PCSK5: variants seen among roughly 807,000 people sequenced by gnomAD.
PCSK5 encodes prohormone convertase 5.
PCSK5 carries 129 observed loss-of-function variants against 233.2 expected under a neutral mutation model. That is an observed-to-expected ratio of 0.55 (90% CI 0.48 to 0.64). The LOEUF (loss-of-function observed/expected upper bound fraction) is 0.64. PCSK5 is among the 30% of genes least tolerant of loss of function. PCSK5 has a pLI of 0.00. For synonymous variants in PCSK5, 825 were observed against 879.2 expected (o/e 0.94, Z 1.09); for missense variants, 2,076 against 2,430.1 (o/e 0.85, Z 3.06).
Position 76,021,424 on chromosome 9 carries a change from G to C in PCSK5, c.412-2314G>C, listed in dbSNP as rs186174753. 1.8e-4 allele frequency among the ~76,000 whole-genome samples: 27 copies of C among 152,164 alleles called. No homozygotes were observed. In the East Asian group the frequency reaches 4.7e-3, roughly 26 times the overall value. On this transcript the variant is annotated intron_variant, in intron 3 of 37. Transcript: ENST00000674117. ...GACAAAGACAAGTAGGCTGAAAAAG[G>C]CTATGTGTTAAGAGGTAGGTCCATA...
intron 24 of PCSK5, among the ~76,000 whole-genome samples, chr9:76,280,261 A>G (rs1175788766): frequency 1.3e-5 from 2 of 152,108 alleles, no homozygotes; most frequent in Non-Finnish European, 2.9e-5. Context: ...TGCCTTTTCC[A>G]CTGACGGCAT....
At chr9:76,001,069 A>G (rs998055319) in intron 3 of PCSK5, among the ~76,000 whole-genome samples, 4 of 152,164 alleles carry the variant, frequency 2.6e-5, no homozygotes, top group South Asian at 2.1e-4. Context: ...GATATTTTCA[A>G]TTTAAAATCA....
rs1008708179 is a variant in PCSK5, at chr9:75,891,200, T to C, written c.19T>C (p.Cys7Arg). Residue 7 changes from cysteine (C) to arginine (R), a missense_variant, in exon 1 of 38, where the codon TGC becomes CGC. Physicochemically the swap from Cys to Arg is radical, Grantham distance 180. Transcript: ENST00000674117. Reference protein sequence around the residue: MGWGSRCCCPGRLDLLC... With the variant: MGWGSRRCCPGRLDLLC... ...CGGGACCATGGGCTGGGGGAGCCGC[T>C]GCTGCTGCCCGGGACGTTTGGACCT... 6.7e-7 allele frequency: 1 copy of C among 1,484,866 alleles called. No individual in the cohort carries two copies. 92.0% of individuals were successfully genotyped at this position (1,484,866 alleles called of 1,614,324 possible).
intron 24 of PCSK5, among the ~76,000 whole-genome samples, chr9:76,266,991 A>T (rs937474312): frequency 6.6e-6 from 1 of 152,240 alleles, no homozygotes; most frequent in African/African-American, 2.4e-5. Flanking sequence ...GGTGCTAATA[A>T]GGAAAAATGC....
chr9:76,155,444 A>G (rs189460555), intron 10 of PCSK5, among the ~76,000 whole-genome samples: 1 of 152,350 alleles, frequency 6.6e-6, no homozygotes, highest in Admixed American at 6.5e-5. Context: ...CATAGAACAT[A>G]TAAAGAAACA....
intron 3 of PCSK5, among the ~76,000 whole-genome samples, chr9:76,000,095 TC>T (rs1827200887): frequency 6.6e-6 from 1 of 152,108 alleles, no homozygotes; most frequent in Non-Finnish European, 1.5e-5. Context: ...AACAACCCCA[TC>T]AAAAAGTGGG....
At chr9:75,980,225 A>G (rs1425785527) in intron 2 of PCSK5, among the ~76,000 whole-genome samples, 1 of 152,226 alleles carries the variant, frequency 6.6e-6, no homozygotes, top group African/African-American at 2.4e-5. Context: ...TTTTTCTATA[A>G]ACAAAATATA....
intron 37 of PCSK5, among the ~76,000 whole-genome samples, chr9:76,355,658 CT>C (rs1305228595): frequency 6.6e-6 from 1 of 151,954 alleles, no homozygotes; most frequent in African/African-American, 2.4e-5. Flanking sequence ...CCAGCCATTT[CT>C]TTTTTATTTT....
chr9:76,225,891 G>A (rs1001905799), intron 20 of PCSK5, among the ~76,000 whole-genome samples: 15 of 152,220 alleles, frequency 9.9e-5, no homozygotes, highest in African/African-American at 3.6e-4. Context: ...TGGGCTGGAT[G>A]TCAGCCTCCA....
chr9:76,079,258 C>T (rs1830749730), intron 7 of PCSK5, among the ~76,000 whole-genome samples: 1 of 151,648 alleles, frequency 6.6e-6, no homozygotes, highest in South Asian at 2.1e-4. Flanking sequence ...TGCGCACTAC[C>T]GTGCCCAGCT....
intron 36 of PCSK5, 102 bp from the exon 37 acceptor site, chr9:76,353,931 C>G (rs1382067813): frequency 9.9e-6 from 8 of 809,106 alleles, no homozygotes; most frequent in African/African-American, 1.7e-5. Flanking sequence ...GTCCCCCACA[C>G]ATCTCCCTCC....
intron 1 of PCSK5, among the ~76,000 whole-genome samples, chr9:75,909,457 A>G (rs1271775844): frequency 6.6e-6 from 1 of 152,020 alleles, no homozygotes; most frequent in Non-Finnish European, 1.5e-5. Context: ...GCACTTTGGG[A>G]GGCCGAGGCG....
intron 8 of PCSK5, among the ~76,000 whole-genome samples, chr9:76,097,870 C>G (rs1831601247): frequency 1.3e-5 from 2 of 152,184 alleles, no homozygotes; most frequent in South Asian, 4.1e-4. Flanking sequence ...TTTTCCTGAT[C>G]ATGATTTTGT....
At chr9:76,121,798 A>T (rs1207472360) in intron 9 of PCSK5, among the ~76,000 whole-genome samples, 1 of 151,576 alleles carries the variant, frequency 6.6e-6, no homozygotes, top group African/African-American at 2.4e-5. Context: ...TAATACTATA[A>T]ACATCTCTTG....
At chr9:75,989,105 C>T (rs559226464) in intron 3 of PCSK5, among the ~76,000 whole-genome samples, 1 of 152,316 alleles carries the variant, frequency 6.6e-6, no homozygotes, top group East Asian at 1.9e-4. Flanking sequence ...CCTTATGCTT[C>T]TCTGTTAGGA....
rs1397103552 is a variant in PCSK5, at chr9:76,175,011, C to G, written c.1782C>G (p.Val594=). 1 of 1,611,158 alleles carries G rather than the reference C, an allele frequency of 6.2e-7. No homozygotes were observed. The highest frequency in any genetic ancestry group is 8.5e-7 in the Non-Finnish European group (1 of 1,179,032). The change falls in exon 14 of 38, where the codon GTC becomes GTG. Residue 594 remains valine, a synonymous_variant. Transcript: ENST00000674117. The part of the protein sequence containing the change: ...TPGKLKEWSL[V]LYGTSVQPYS... ...GTAAATTGAAAGAATGGTCTTTGGTCCTCTACGGCACCTCCGTGCAGCCAT... is the reference window on the plus strand; with the variant it reads ...GTAAATTGAAAGAATGGTCTTTGGTGCTCTACGGCACCTCCGTGCAGCCAT...
chr9:76,038,370 A>G (rs927651901), intron 5 of PCSK5, among the ~76,000 whole-genome samples: 1 of 152,170 alleles, frequency 6.6e-6, no homozygotes, highest in Non-Finnish European at 1.5e-5. Flanking sequence ...GGACCCGTTC[A>G]TTTTAGTTTA....
At position 76,284,976 on chromosome 9, in the gene PCSK5, G is replaced by A. The variant is rs191250085; in HGVS notation, c.3143-7257G>A. Among the ~76,000 whole-genome samples, 18 of 152,260 alleles carry A rather than the reference G, an allele frequency of 1.2e-4. No homozygotes were observed. The East Asian group carries it at 3.5e-3, about 29-fold the overall frequency. ...ACACATATATTAGCATGCAAGTGGAGGGTGAGCATAACGTGTATAAATGTT... is the reference window on the plus strand; with the variant it reads ...ACACATATATTAGCATGCAAGTGGAAGGTGAGCATAACGTGTATAAATGTT... On this transcript the variant is annotated intron_variant, in intron 24 of 37. Transcript: ENST00000674117.
At chr9:76,192,866 C>G (rs1824475329) in intron 20 of PCSK5, among the ~76,000 whole-genome samples, 1 of 151,936 alleles carries the variant, frequency 6.6e-6, no homozygotes, top group African/African-American at 2.4e-5. Context: ...AATCTTGTGT[C>G]TTAGATTCAA....
Sources: gnomAD v4.1 joint callset for allele counts (sites outside exome capture counted in the v4.1 genomes callset) on GRCh38, gnomAD v4.1.1 for gene constraint, MANE v1.5 for transcripts, NCBI Gene and HGNC (gene_info 2026-07-23, HGNC 2026-07-21) for gene names.